The following VTI1A variants were observed in gnomAD, a reference collection of about 807,000 sequenced individuals.
The protein encoded by VTI1A is vesicle transport through interaction with t-SNAREs 1A, also known as vesicle transport through interaction with t-SNAREs homolog 1A.
A neutral mutation model predicts 34.9 loss-of-function variants in VTI1A; 22 were observed. That is an observed-to-expected ratio of 0.63 (90% CI 0.45 to 0.90). VTI1A has a LOEUF of 0.90. Among genes scored for constraint, VTI1A ranks in the 40% least tolerant of loss-of-function variants. VTI1A has a pLI of 0.00. For missense variants in VTI1A, 268 were observed against 275.6 expected (o/e 0.97, Z 0.20); for synonymous variants, 87 against 97.3 (o/e 0.89, Z 0.62).
chr10:112,651,663 G>A (rs1342009625), intron 5 of VTI1A, among the ~76,000 whole-genome samples: 2 of 152,134 alleles, frequency 1.3e-5, no homozygotes, highest in Non-Finnish European at 2.9e-5. Flanking sequence ...TGAAACTGAT[G>A]TCCACATTAA....
chr10:112,658,786 C>T lies in VTI1A; in HGVS notation c.428-9432C>T, dbSNP rs139768496. ...TTTACCAAGTGGGAATGGGGACTCA[C>T]TGTTGCCAGATATTCCAAATTTCAA... is the stretch of plus-strand genomic sequence containing the variant. On this transcript the variant is annotated intron_variant, in intron 5 of 7. Transcript: ENST00000393077. Among the ~76,000 whole-genome samples, 707 of 152,292 alleles carry T rather than the reference C, an allele frequency of 4.6e-3. 5 individuals are homozygous for T. Among genetic ancestry groups the T allele is most frequent in the African/African-American group, 0.016 (678 of 41,556 alleles).
intron 7 of VTI1A, among the ~76,000 whole-genome samples, chr10:112,806,369 T>G (rs902020787): frequency 6.6e-6 from 1 of 152,072 alleles, no homozygotes. Context: ...CACTGCAACT[T>G]CCACCTCCCG....
chr10:112,708,458 AT>A (rs1314808684), intron 7 of VTI1A, among the ~76,000 whole-genome samples: 1 of 152,226 alleles, frequency 6.6e-6, no homozygotes, highest in African/African-American at 2.4e-5. Context: ...ATAAGGTCCC[AT>A]GTATTTCTTA....
At chr10:112,811,255 C>T (rs1449660980) in intron 7 of VTI1A, among the ~76,000 whole-genome samples, 1 of 152,154 alleles carries the variant, frequency 6.6e-6, no homozygotes, top group Non-Finnish European at 1.5e-5. Flanking sequence ...AACAATACAG[C>T]CCCTCCCTCC....
chr10:112,596,113 G>A (rs1844629735), intron 5 of VTI1A, among the ~76,000 whole-genome samples: 1 of 149,210 alleles, frequency 6.7e-6, no homozygotes. Context: ...ATTGAACAAT[G>A]AGAACACATG....
chr10:112,592,700 A>G lies in VTI1A; in HGVS notation c.427+54370A>G, dbSNP rs555180904. On this transcript the variant is annotated intron_variant, in intron 5 of 7. Transcript: ENST00000393077. The stretch of plus-strand genomic sequence containing the variant: ...TGCATTTGGAATATATGTCATCCTC[A>G]GAGAACCTAAAAAAATGGTTAGACA... Among the ~76,000 whole-genome samples, 4 of 152,350 alleles carry G rather than the reference A, an allele frequency of 2.6e-5. No individual in the cohort carries two copies. The South Asian group carries it at 8.3e-4, about 32-fold the overall frequency.
the VTI1A span, among the ~76,000 whole-genome samples, chr10:112,830,847 A>ATTTTTTTT: frequency 3.2e-5 from 1 of 31,002 alleles, no homozygotes; most frequent in Non-Finnish European, 5.7e-5. Flanking sequence ...ATATATATAT[A>ATTTTTTTT]TATTTTTTTT....
At position 112,682,114 on chromosome 10, in the gene VTI1A, A is replaced by G. The variant is rs535913822; in HGVS notation, c.560+13116A>G. On this transcript the variant is annotated intron_variant, in intron 7 of 7. Coordinates refer to ENST00000393077, the MANE Select transcript of VTI1A (RefSeq NM_145206.4). ...TGGATAATTTTTAAAGCATCTGTAT[A>G]AAGAAAAAAAGAACATTTTATTTAT... Among the ~76,000 whole-genome samples, 3 of 152,326 alleles carry G rather than the reference A, an allele frequency of 2.0e-5. No individual in the cohort carries two copies. In the East Asian group the frequency reaches 5.8e-4, roughly 29 times the overall value.
At position 112,816,404 on chromosome 10, in the gene VTI1A, C is replaced by G. The variant is rs961900335; in HGVS notation, c.*1021C>G. ...GAGATAAACTTCACGGAAAACGTTC[C>G]CTAACCTCCTTTAAAAGAATAGAGG... On this transcript the variant is annotated 3_prime_UTR_variant, in exon 8 of 8. Transcript: ENST00000393077. 2 of 224,490 alleles carry G rather than the reference C, an allele frequency of 8.9e-6. No individual in the cohort carries two copies. The highest frequency in any genetic ancestry group is 4.5e-5 in the African/African-American group (2 of 44,828). 13.9% of individuals were successfully genotyped at this position (224,490 alleles called of 1,614,324 possible).
At chr10:112,464,488 AT>A (rs1406431401) in intron 2 of VTI1A, 58 bp from the exon 3 acceptor site, 1 of 1,461,808 alleles carries the variant, frequency 6.8e-7, no homozygotes, top group Non-Finnish European at 9.4e-7. Flanking sequence ...AGCCGTAAAC[AT>A]TTGTTCAAAT....
At chr10:112,661,114 G>T (rs1275072532) in intron 5 of VTI1A, among the ~76,000 whole-genome samples, 1 of 152,194 alleles carries the variant, frequency 6.6e-6, no homozygotes, top group Non-Finnish European at 1.5e-5. Context: ...CCAAGTAGCT[G>T]GGACTACAGG....
intron 5 of VTI1A, among the ~76,000 whole-genome samples, chr10:112,551,476 A>G (rs967441337): frequency 6.6e-6 from 1 of 152,134 alleles, no homozygotes; most frequent in Non-Finnish European, 1.5e-5. Flanking sequence ...TTACATTATT[A>G]TTATTGGCAA....
At chr10:112,662,745 A>G (rs1317547986) in intron 5 of VTI1A, among the ~76,000 whole-genome samples, 2 of 152,160 alleles carry the variant, frequency 1.3e-5, no homozygotes, top group East Asian at 1.9e-4. Context: ...GAACAAGGGA[A>G]TCTGAAATAT....
chr10:112,585,992 G>A (rs1202101397), intron 5 of VTI1A, among the ~76,000 whole-genome samples: 2 of 152,070 alleles, frequency 1.3e-5, no homozygotes, highest in African/African-American at 4.8e-5. Flanking sequence ...TGTATAAATG[G>A]TAATATGGGT....
chr10:112,843,127 G>T, the VTI1A span, among the ~76,000 whole-genome samples: 1 of 152,216 alleles, frequency 6.6e-6, no homozygotes, highest in East Asian at 1.9e-4. Context: ...TGCCCCCAGA[G>T]AATGACAGTG....
intron 4 of VTI1A, among the ~76,000 whole-genome samples, chr10:112,530,853 A>T (rs943819274): frequency 6.6e-5 from 10 of 152,148 alleles, no homozygotes; most frequent in Admixed American, 6.5e-4. Flanking sequence ...ATTACCAGGC[A>T]CAAATCTGTT....
chr10:112,612,793 G>A (rs1411539044), intron 5 of VTI1A, among the ~76,000 whole-genome samples: 1 of 152,128 alleles, frequency 6.6e-6, no homozygotes, highest in Non-Finnish European at 1.5e-5. Flanking sequence ...GTGATTTTTT[G>A]CATACCCAAA....
At chr10:112,711,430 T>C (rs1849412484) in intron 7 of VTI1A, among the ~76,000 whole-genome samples, 1 of 152,250 alleles carries the variant, frequency 6.6e-6, no homozygotes, top group Non-Finnish European at 1.5e-5. Context: ...TTAGCATGTT[T>C]TATTTAGCCT....
intron 3 of VTI1A, among the ~76,000 whole-genome samples, chr10:112,510,915 G>A (rs2134178764): frequency 6.6e-6 from 1 of 152,252 alleles, no homozygotes; most frequent in African/African-American, 2.4e-5. Context: ...AGTTTAAATT[G>A]CCTGAATTTG....
Sources: allele counts gnomAD v4.1 joint callset (sites outside exome capture counted in the v4.1 genomes callset), GRCh38; gene constraint gnomAD v4.1.1; transcripts MANE v1.5; gene names NCBI Gene and HGNC (gene_info 2026-07-23, HGNC 2026-07-21).